The following CD3D variants were observed in gnomAD, a reference collection of about 807,000 sequenced individuals.
CD3D encodes CD3 delta subunit of T-cell receptor complex.
CD3D carries 22 observed loss-of-function variants against 22.0 expected under a neutral mutation model. The ratio of observed to expected loss-of-function variants is 1.00; its 90% CI spans 0.71 to 1.43. CD3D has a LOEUF of 1.43. CD3D is among the 40% of genes most tolerant of loss of function. The pLI is 0.00. For missense variants in CD3D, 205 were observed against 211.7 expected, an observed-to-expected ratio of 0.97 and a Z score of 0.20; for synonymous variants, 74 against 81.2, an observed-to-expected ratio of 0.91 and a Z score of 0.48.
chr11:118,339,943 C>G (rs1481327939), intron 2 of CD3D, 37 bp from the exon 3 acceptor site: 1 of 1,613,474 alleles, frequency 6.2e-7, no homozygotes, highest in Non-Finnish European at 8.5e-7. Flanking sequence ...AGGTTGAGAG[C>G]CTTTAAGATC....
rs200527660 is a variant in CD3D at position 118,339,851 on chromosome 11, A to G, written c.330T>C (p.Thr110=). ...CAAGGAGCAGAGTGGCAATGACATC[A>G]GTGACAATGATGCCAGCCACGGTGG... ...DPATVAGIIV[T]DVIATLLLAL... The change falls in exon 3 of 5, where the codon ACT becomes ACC. Residue 110 remains threonine, a synonymous_variant. Coordinates refer to ENST00000300692, the MANE Select transcript of CD3D (RefSeq NM_000732.6). 1.2e-6 allele frequency: 2 copies of G among 1,613,980 alleles called. No homozygotes were observed. Among genetic ancestry groups the G allele is most frequent in the Non-Finnish European group, 1.7e-6 (2 of 1,179,978 alleles).
At chr11:118,342,461 G>T in intron 1 of CD3D, 92 bp downstream of exon 1, 2 of 1,175,150 alleles carry the variant, frequency 1.7e-6, no homozygotes, top group Non-Finnish European at 2.6e-6. Flanking sequence ...GTGAGCCACC[G>T]TGCCTGGCAA....
At chr11:118,339,417 C>T in intron 4 of CD3D, 34 bp downstream of exon 4, 1 of 1,611,890 alleles carries the variant, frequency 6.2e-7, no homozygotes, top group Non-Finnish European at 8.5e-7. Context: ...ACTTACCCTC[C>T]CTTCATTCCT....
At chr11:118,339,709 TACACACACACACAC>T (rs67065773) in intron 3 of CD3D, 52 bp downstream of exon 3, 20 of 1,539,264 alleles carry the variant, frequency 1.3e-5, no homozygotes, top group African/African-American at 5.6e-5. Context: ...AGCTCACTGG[TACACACACACACAC>T]ACACACACAC....
intron 3 of CD3D, 44 bp from the exon 4 acceptor site, chr11:118,339,538 C>T (rs201535424): frequency 5.6e-6 from 9 of 1,609,436 alleles, no homozygotes; most frequent in Admixed American, 5.0e-5. Context: ...GCAGATGGGA[C>T]TGTGAGATCC....
Position 118,340,391 on chromosome 11 carries a change from C to G in CD3D, c.258G>C (p.Val86=). ...AGCACGTACTTCGATAATGAACTTG[C>G]ACGGTAGATTCTTTGTCCTTGTATA... ...TDIYKDKEST[V]QVHYRMCQSC... is the part of the protein sequence containing the mutation. The change falls in exon 2 of 5, where the codon GTG becomes GTC. Residue 86 remains valine (V), a synonymous_variant. Coordinates refer to ENST00000300692, the MANE Select transcript of CD3D (RefSeq NM_000732.6). 6.2e-7 allele frequency: 1 copy of G among 1,613,794 alleles called. No homozygotes were observed. The highest frequency in any genetic ancestry group is 1.6e-4 in the Middle Eastern group (1 of 6,062).
intron 4 of CD3D, 26 bp from the exon 5 acceptor site, chr11:118,339,253 C>A (rs755253686): frequency 2.5e-6 from 4 of 1,604,920 alleles, no homozygotes; most frequent in South Asian, 1.1e-5. Flanking sequence ...AGAAAACGGT[C>A]AGGAGGCAGG....
intron 1 of CD3D, among the ~76,000 whole-genome samples, 189 bp downstream of exon 1, chr11:118,342,364 T>A (rs367862442): frequency 6.6e-6 from 1 of 151,480 alleles, no homozygotes; most frequent in South Asian, 2.1e-4. Context: ...AAAGATAGAG[T>A]CTCATCATGT....
intron 1 of CD3D, chr11:118,340,865 A>G: frequency 1.6e-6 from 1 of 627,452 alleles, no homozygotes. Context: ...GATTGACCCA[A>G]GCACCTTCCT....
Position 118,339,709 on chromosome 11 carries a change from T to TACAC in CD3D, c.406+62_406+65dup, listed in dbSNP as rs67065773. Reference sequence around the variant, plus strand: ...CTTAGCTGGTGCATAAGCTCACTGGTACACACACACACACACACACACACA... The same window carrying TACAC: ...CTTAGCTGGTGCATAAGCTCACTGGTACACACACACACACACACACACACACACA... On this transcript the variant is annotated intron_variant, in intron 3 of 4. Transcript: ENST00000300692. 0.23 allele frequency: 352,810 copies of TACAC among 1,513,992 alleles called. 5,892 individuals carry two copies. Among genetic ancestry groups the TACAC allele is most frequent in the Non-Finnish European group, 0.25 (278,852 of 1,110,768 alleles). 93.8% of individuals were successfully genotyped at this position (1,513,992 alleles called of 1,614,324 possible).
At chr11:118,339,691 G>C in intron 3 of CD3D, 84 bp downstream of exon 3, 23 of 1,587,686 alleles carry the variant, frequency 1.4e-5, no homozygotes, top group Non-Finnish European at 2.0e-5. Flanking sequence ...TTCCTTAGCT[G>C]GTGCATAAGC....
At position 118,340,367 on chromosome 11, in the gene CD3D, G is replaced by A. The variant is rs1209300043; in HGVS notation, c.274+8C>T. ...CATTCCAACCCAAAGGGTTCAGGAA[G>A]CACGTACTTCGATAATGAACTTGCA... On this transcript the variant is annotated splice_region_variant and intron_variant, in intron 2 of 4. Transcript: ENST00000300692. The A allele has an allele frequency of 1.1e-5, 17 of 1,608,022 alleles. No homozygotes were observed. Among genetic ancestry groups the A allele is most frequent in the Non-Finnish European group, 1.4e-5 (16 of 1,174,420 alleles).
At position 118,339,287 on chromosome 11, in the gene CD3D, C is replaced by T. The variant is rs1948277515; in HGVS notation, c.451-60G>A. 5 of 1,549,612 alleles carry T rather than the reference C, an allele frequency of 3.2e-6. No individual in the cohort carries two copies. In the South Asian group the frequency reaches 3.3e-5, roughly 10 times the overall value. ...GGGTTAGAACTCTTCAAGGAAGGGC[C>T]CCAGCAGGCCCTGACGATGAGAGCT... On this transcript the variant is annotated intron_variant, in intron 4 of 4. Coordinates refer to ENST00000300692, the MANE Select transcript of CD3D (RefSeq NM_000732.6).
chr11:118,340,354 A>C, intron 2 of CD3D, 21 bp downstream of exon 2: 7 of 1,594,290 alleles, frequency 4.4e-6, no homozygotes, highest in Non-Finnish European at 6.0e-6. Flanking sequence ...TTCCAACCCA[A>C]AGGGTTCAGG....
At position 118,342,683 on chromosome 11, in the gene CD3D, G is replaced by A; in HGVS notation, c.-76C>T. The A allele has an allele frequency of 2.4e-6, 3 of 1,250,200 alleles. No homozygotes were observed. In the Admixed American group the frequency reaches 5.1e-5, roughly 21 times the overall value. The allele number at this position is 1,250,200 out of a possible 1,614,324, so 77.4% of individuals were successfully genotyped here. ...CCTGGGTGAGAGCTGCCCTCCCCTA[G>A]CTGACTCACAGGTACCGGAAAGAGG... On this transcript the variant is annotated 5_prime_UTR_variant, in exon 1 of 5. Transcript: ENST00000300692.
downstream of CD3D, chr11:118,339,069 A>G: frequency 2.0e-5 from 23 of 1,158,288 alleles, no homozygotes; most frequent in Non-Finnish European, 3.0e-5. Flanking sequence ...AAGCCCAGGC[A>G]CCTGCTGAGT....
chr11:118,340,612 C>T lies in CD3D; in HGVS notation c.56-19G>A. On this transcript the variant is annotated intron_variant, in intron 1 of 4. Transcript: ENST00000300692. ...GGGCTCACTAAAGGGGAAAAAATAT[C>T]ACAGTTGGAGACAGCTCTTTGATCT... The T allele has an allele frequency of 6.4e-7, 1 of 1,558,076 alleles. No individual in the cohort carries two copies. The highest frequency in any genetic ancestry group is 8.8e-7 in the Non-Finnish European group (1 of 1,131,120).
chr11:118,341,470 C>T, intron 1 of CD3D, among the ~76,000 whole-genome samples: 1 of 152,220 alleles, frequency 6.6e-6, no homozygotes. Flanking sequence ...GGGCTTCACA[C>T]TAAGTCCCAA....
Position 118,339,241 on chromosome 11 carries a change from A to G in CD3D, c.451-14T>C, listed in dbSNP as rs777087947. On this transcript the variant is annotated splice_polypyrimidine_tract_variant and intron_variant, in intron 4 of 4. Transcript: ENST00000300692. ...ATCTCGGAGGGGCTAAGAGAGGAGA[A>G]GAGAAAACGGTCAGGAGGCAGGGTT... 1.2e-6 allele frequency: 2 copies of G among 1,612,514 alleles called. No individual in the cohort carries two copies. Among genetic ancestry groups the G allele is most frequent in the Admixed American group, 3.3e-5 (2 of 60,022 alleles).
Sources: gnomAD v4.1 joint callset for allele counts (sites outside exome capture counted in the v4.1 genomes callset) on GRCh38, gnomAD v4.1.1 for gene constraint, MANE v1.5 for transcripts, NCBI Gene and HGNC (gene_info 2026-07-23, HGNC 2026-07-21) for gene names.